Variants in ZNF385D observed in about 807,000 individuals in gnomAD.
ZNF385D encodes zinc finger protein 385D, also known as zinc finger protein 659.
A neutral mutation model predicts 35.8 loss-of-function variants in ZNF385D; 15 were observed. The observed-to-expected ratio is 0.42, with a 90% CI of 0.28 to 0.64. The LOEUF (loss-of-function observed/expected upper bound fraction) is 0.64. Ranked by LOEUF, ZNF385D falls within the 30% of genes least tolerant of loss-of-function variation. The probability of loss-of-function intolerance (pLI) is 0.23; values close to 1 mark genes in which losing one functional copy is unlikely to be tolerated. For synonymous variants in ZNF385D, 212 were observed against 186.8 expected, an observed-to-expected ratio of 1.13 and a Z score of -1.10; for missense variants, 474 against 494.6, an observed-to-expected ratio of 0.96 and a Z score of 0.39.
At chr3:22,109,326 A>G (rs183348598) in intron 3 of ZNF385D, among the ~76,000 whole-genome samples, 8 of 152,212 alleles carry the variant, frequency 5.3e-5, no homozygotes, top group Admixed American at 6.6e-5. Context: ...ATATGAACAT[A>G]TAAGGATACA....
chr3:21,752,154 A>G (rs2070133836), upstream of ZNF385D, among the ~76,000 whole-genome samples: 2 of 152,140 alleles, frequency 1.3e-5, 1 homozygote, highest in South Asian at 4.1e-4. Flanking sequence ...AAAGGATATT[A>G]GAAAGAAATC....
intron 1 of ZNF385D, among the ~76,000 whole-genome samples, chr3:21,734,023 ACT>A (rs771255508): frequency 1.2e-4 from 18 of 152,080 alleles, no homozygotes; most frequent in Non-Finnish European, 2.5e-4. Context: ...CCGTCAGAAC[ACT>A]CTTTTTTCAT....
chr3:22,238,764 GCT>G (rs1402140444), intron 2 of ZNF385D, among the ~76,000 whole-genome samples: 1 of 150,608 alleles, frequency 6.6e-6, no homozygotes, highest in Non-Finnish European at 1.5e-5. Context: ...ACAAGATCTT[GCT>G]CTGTCACCCA....
chr3:21,613,826 T>G (rs2125795494), intron 2 of ZNF385D, among the ~76,000 whole-genome samples: 1 of 152,356 alleles, frequency 6.6e-6, no homozygotes, highest in Admixed American at 6.5e-5. Flanking sequence ...TATCCACGTT[T>G]ACTTGAGCAA....
intron 1 of ZNF385D, among the ~76,000 whole-genome samples, chr3:21,697,246 T>C (rs548812938): frequency 2.0e-5 from 3 of 152,304 alleles, no homozygotes; most frequent in Admixed American, 1.3e-4. Flanking sequence ...GAGATGCTAT[T>C]CCACATATTG....
At chr3:21,727,474 C>T (rs970733220) in intron 1 of ZNF385D, among the ~76,000 whole-genome samples, 2 of 151,972 alleles carry the variant, frequency 1.3e-5, no homozygotes, top group African/African-American at 2.4e-5. Context: ...AACAAATTTA[C>T]AAGAAAAAAA....
chr3:21,600,158 T>G (rs1409853052), intron 2 of ZNF385D, among the ~76,000 whole-genome samples: 2 of 152,206 alleles, frequency 1.3e-5, no homozygotes, highest in Non-Finnish European at 2.9e-5. Flanking sequence ...AGCCCCTGTT[T>G]AGCATAATAA....
intron 2 of ZNF385D, among the ~76,000 whole-genome samples, chr3:22,232,296 T>A (rs970240093): frequency 6.7e-6 from 1 of 150,306 alleles, no homozygotes; most frequent in African/African-American, 2.5e-5. Flanking sequence ...CTATGTGCCA[T>A]ATTAATGAAA....
At chr3:22,060,259 T>A (rs1445014542) in intron 3 of ZNF385D, among the ~76,000 whole-genome samples, 2 of 152,210 alleles carry the variant, frequency 1.3e-5, no homozygotes, top group Non-Finnish European at 2.9e-5. Flanking sequence ...ATTCCCATAA[T>A]AAATCCTCCT....
chr3:21,691,575 C>G lies in ZNF385D; in HGVS notation c.23-26547G>C, dbSNP rs191983187. Among the ~76,000 whole-genome samples, 142 of 152,122 alleles carry G rather than the reference C, an allele frequency of 9.3e-4. 2 individuals carry two copies. The highest frequency in any genetic ancestry group is 9.2e-4 in the Admixed American group (14 of 15,250). ...TCTTGATTTCCTTTCTTTGGCAAGC[C>G]ACCCCCTTCTTTTTTCTTTGCTCAC... On this transcript the variant is annotated intron_variant, in intron 1 of 7. Transcript: ENST00000281523.
intron 3 of ZNF385D, among the ~76,000 whole-genome samples, chr3:22,029,715 T>A (rs1240051315): frequency 1.3e-5 from 2 of 152,226 alleles, no homozygotes; most frequent in Non-Finnish European, 2.9e-5. Flanking sequence ...GTTGTTAACT[T>A]TCTGTAATAG....
intron 1 of ZNF385D, among the ~76,000 whole-genome samples, chr3:21,704,245 C>A (rs1455228173): frequency 2.0e-5 from 3 of 152,142 alleles, no homozygotes; most frequent in Non-Finnish European, 4.4e-5. Context: ...CAGTCAGCCA[C>A]CAACGTTCCT....
chr3:21,435,393 A>AACTACAGGC (rs1485834800), intron 5 of ZNF385D, among the ~76,000 whole-genome samples: 2 of 151,310 alleles, frequency 1.3e-5, no homozygotes, highest in African/African-American at 4.9e-5. Flanking sequence ...GAGTAGCTGC[A>AACTACAGGC]ACTACAGGCA....
intron 2 of ZNF385D, among the ~76,000 whole-genome samples, chr3:21,581,903 G>A (rs550630695): frequency 6.6e-6 from 1 of 152,190 alleles, no homozygotes; most frequent in South Asian, 2.1e-4. Flanking sequence ...ATCCTCCTTA[G>A]GGATGACTGA....
At chr3:22,172,675 A>C (rs926365837) in intron 2 of ZNF385D, among the ~76,000 whole-genome samples, 8 of 152,080 alleles carry the variant, frequency 5.3e-5, no homozygotes, top group Non-Finnish European at 1.0e-4. Context: ...AACTGAAAAA[A>C]CTCCGAAGAA....
intron 3 of ZNF385D, among the ~76,000 whole-genome samples, chr3:21,834,918 G>A (rs1695234150): frequency 6.6e-6 from 1 of 152,096 alleles, no homozygotes; most frequent in Admixed American, 6.6e-5. Context: ...GTTTCCTGAA[G>A]CTTTCCCAGT....
At chr3:22,162,556 T>A (rs955461472) in intron 3 of ZNF385D, among the ~76,000 whole-genome samples, 2 of 152,164 alleles carry the variant, frequency 1.3e-5, no homozygotes, top group African/African-American at 4.8e-5. Flanking sequence ...AGATTTTTTA[T>A]AGGCATAACA....
At chr3:21,432,167 T>C (rs1391363682) in intron 5 of ZNF385D, among the ~76,000 whole-genome samples, 1 of 152,152 alleles carries the variant, frequency 6.6e-6, no homozygotes, top group Non-Finnish European at 1.5e-5. Flanking sequence ...TCATTTATTT[T>C]GAAAAGAAAT....
At chr3:21,938,963 C>T (rs901063929) in intron 3 of ZNF385D, among the ~76,000 whole-genome samples, 12 of 152,188 alleles carry the variant, frequency 7.9e-5, no homozygotes, top group African/African-American at 2.9e-4. Context: ...TGAAGTCTTC[C>T]AGTTCAAGGC....
Sources: gnomAD v4.1 joint callset for allele counts (sites outside exome capture counted in the v4.1 genomes callset) on GRCh38, gnomAD v4.1.1 for gene constraint, MANE v1.5 for transcripts, NCBI Gene and HGNC (gene_info 2026-07-23, HGNC 2026-07-21) for gene names.